The following AGPS variants were observed in gnomAD, a reference collection of about 807,000 sequenced individuals.
AGPS encodes the protein alkyldihydroxyacetonephosphate synthase, peroxisomal.
Under a neutral mutation model 90.7 loss-of-function variants are expected in AGPS, and 26 were observed. That is an observed-to-expected ratio of 0.29 (90% CI 0.21 to 0.40). AGPS has a LOEUF of 0.40. Ranked by LOEUF, AGPS falls within the 10% of genes least tolerant of loss-of-function variation. AGPS has a pLI of 1.00. For synonymous variants in AGPS, 294 were observed against 285.3 expected, an observed-to-expected ratio of 1.03 and a Z score of -0.31; for missense variants, 540 against 816.1, an observed-to-expected ratio of 0.66 and a Z score of 4.12.
At chr2:177,445,755 A>T (rs1297337102) in intron 8 of AGPS, 129 bp downstream of exon 8, 2 of 640,270 alleles carry the variant, frequency 3.1e-6, no homozygotes, top group Non-Finnish European at 5.2e-6. Flanking sequence ...TGATACATTC[A>T]TTCACTCAAA....
intron 19 of AGPS, among the ~76,000 whole-genome samples, chr2:177,535,642 G>A (rs2079177082): frequency 2.0e-5 from 3 of 152,158 alleles, no homozygotes; most frequent in African/African-American, 7.2e-5. Flanking sequence ...TCCAATAATT[G>A]TCTTGTTGTT....
At position 177,392,843 on chromosome 2, in the gene AGPS, C is replaced by T. The variant is rs774742400; in HGVS notation, c.54C>T (p.Ser18=). The part of the protein sequence containing the change: ...AGGTGLGAGA[S]YGSAADRDRD... ...GGACTGGCTTGGGCGCGGGCGCGAG[C>T]TACGGGTCTGCAGCGGACCGGGACC... The change falls in exon 1 of 20, where the codon AGC becomes AGT. Residue 18 remains serine (S), a synonymous_variant. Transcript: ENST00000264167. 1.0e-4 allele frequency: 156 copies of T among 1,551,928 alleles called. No homozygotes were observed. In the African/African-American group the frequency reaches 1.9e-3, roughly 19 times the overall value.
intron 8 of AGPS, among the ~76,000 whole-genome samples, chr2:177,448,366 T>C (rs1349259890): frequency 6.6e-6 from 1 of 152,214 alleles, no homozygotes; most frequent in African/African-American, 2.4e-5. Flanking sequence ...TCATTCAGGC[T>C]AACAGACTTT....
At chr2:177,442,254 T>C (rs1237983996) in intron 6 of AGPS, among the ~76,000 whole-genome samples, 153 bp from the exon 7 acceptor site, 1 of 152,226 alleles carries the variant, frequency 6.6e-6, no homozygotes, top group African/African-American at 2.4e-5. Context: ...GCTTTTAGTG[T>C]GTTAGCATTT....
At chr2:177,489,897 CA>C (rs1175006404) in intron 11 of AGPS, among the ~76,000 whole-genome samples, 1 of 152,150 alleles carries the variant, frequency 6.6e-6, no homozygotes, top group Non-Finnish European at 1.5e-5. Flanking sequence ...CGCTTACCAG[CA>C]GGGGTCACTT....
chr2:177,434,111 C>CTTTTTTT, intron 2 of AGPS, among the ~76,000 whole-genome samples: 1 of 152,110 alleles, frequency 6.6e-6, no homozygotes, highest in Admixed American at 6.5e-5. Context: ...TCAAGTGTAG[C>CTTTTTTT]ACACCCTTCT....
At chr2:177,454,651 A>G (rs1687057328) in intron 8 of AGPS, among the ~76,000 whole-genome samples, 1 of 151,322 alleles carries the variant, frequency 6.6e-6, no homozygotes, top group South Asian at 2.1e-4. Context: ...TTTTGATTAG[A>G]TGGTAGCCAT....
intron 10 of AGPS, among the ~76,000 whole-genome samples, chr2:177,471,833 T>G (rs1687632842): frequency 6.6e-6 from 1 of 152,180 alleles, no homozygotes. Flanking sequence ...ATTAATTTCT[T>G]TAAGTTTCTT....
chr2:177,472,953 G>A (rs906416709), intron 10 of AGPS, among the ~76,000 whole-genome samples: 9 of 152,088 alleles, frequency 5.9e-5, no homozygotes, highest in Admixed American at 1.3e-4. Context: ...ACCAAGTCCT[G>A]TATAATATTT....
chr2:177,490,281 TATCA>T (rs1358330415), intron 11 of AGPS, among the ~76,000 whole-genome samples: 1 of 152,180 alleles, frequency 6.6e-6, no homozygotes, highest in Non-Finnish European at 1.5e-5. Flanking sequence ...GATTTACAAA[TATCA>T]ATTACCAGGA....
chr2:177,537,868 C>T (rs556580450), intron 19 of AGPS, among the ~76,000 whole-genome samples: 32 of 152,214 alleles, frequency 2.1e-4, no homozygotes, highest in African/African-American at 7.7e-4. Flanking sequence ...AAAGGAGACA[C>T]TGTGGAGCAC....
intron 10 of AGPS, among the ~76,000 whole-genome samples, chr2:177,481,513 T>A (rs1002964156): frequency 2.0e-5 from 3 of 151,996 alleles, no homozygotes; most frequent in African/African-American, 4.8e-5. Context: ...CTGGTATTTT[T>A]TGTTTCTTAA....
At chr2:177,458,446 G>T (rs545749525) in intron 8 of AGPS, among the ~76,000 whole-genome samples, 1 of 152,134 alleles carries the variant, frequency 6.6e-6, no homozygotes, top group African/African-American at 2.4e-5. Context: ...AAACCCCATC[G>T]TCTCAGCCCA....
chr2:177,439,169 G>C (rs76096651), intron 5 of AGPS, among the ~76,000 whole-genome samples: 6,621 of 152,266 alleles, frequency 0.043, 191 homozygotes, highest in Non-Finnish European at 0.058. Flanking sequence ...CAGAACTTTA[G>C]AACTGTGAAA....
chr2:177,506,825 T>C (rs1175189376), intron 15 of AGPS, among the ~76,000 whole-genome samples: 2 of 152,016 alleles, frequency 1.3e-5, no homozygotes, highest in African/African-American at 4.8e-5. Context: ...TTTCTTCCCA[T>C]AGTAAGCATT....
intron 10 of AGPS, among the ~76,000 whole-genome samples, chr2:177,477,977 G>T (rs925435502): frequency 6.6e-6 from 1 of 152,080 alleles, no homozygotes; most frequent in African/African-American, 2.4e-5. Flanking sequence ...GCTCTTTTTT[G>T]TATATATTAA....
chr2:177,457,729 T>C (rs1038986055), intron 8 of AGPS, among the ~76,000 whole-genome samples: 1 of 152,158 alleles, frequency 6.6e-6, no homozygotes, highest in Non-Finnish European at 1.5e-5. Context: ...ACTAGACGGA[T>C]TCACAGCTGA....
At chr2:177,454,996 CTT>C (rs57427782) in intron 8 of AGPS, among the ~76,000 whole-genome samples, 1 of 147,114 alleles carries the variant, frequency 6.8e-6, no homozygotes, top group Non-Finnish European at 1.5e-5. Flanking sequence ...ATGCATAGAC[CTT>C]TTTTTTTTTA....
At chr2:177,409,541 C>T (rs1015192747) in intron 1 of AGPS, among the ~76,000 whole-genome samples, 38 of 152,190 alleles carry the variant, frequency 2.5e-4, no homozygotes, top group East Asian at 1.4e-3. Flanking sequence ...AATTCTTAGT[C>T]GGCTTAGGAA....
Sources: allele counts gnomAD v4.1 joint callset (sites outside exome capture counted in the v4.1 genomes callset), GRCh38; gene constraint gnomAD v4.1.1; transcripts MANE v1.5; gene names NCBI Gene and HGNC (gene_info 2026-07-23, HGNC 2026-07-21).